Variants in OSBPL1A observed in about 807,000 individuals in gnomAD.
OSBPL1A encodes the protein oxysterol binding protein like 1A, also known as oxysterol-binding protein-related protein 1.
Under a neutral mutation model 137.1 loss-of-function variants are expected in OSBPL1A, and 80 were observed. That is an observed-to-expected ratio of 0.58 (90% CI 0.49 to 0.70). OSBPL1A has a LOEUF of 0.70. Ranked by LOEUF, OSBPL1A falls within the 30% of genes least tolerant of loss-of-function variation. OSBPL1A has a pLI of 0.00. For missense variants in OSBPL1A, 970 were observed against 1,129.4 expected, an observed-to-expected ratio of 0.86 and a Z score of 2.02; for synonymous variants, 365 against 389.7, an observed-to-expected ratio of 0.94 and a Z score of 0.75.
At chr18:24,258,553 A>G (rs899656015) in intron 15 of OSBPL1A, among the ~76,000 whole-genome samples, 8 of 152,212 alleles carry the variant, frequency 5.3e-5, no homozygotes, top group African/African-American at 9.7e-5. Flanking sequence ...AATGAATAAT[A>G]CCTGATATTT....
intron 2 of OSBPL1A, among the ~76,000 whole-genome samples, chr18:24,376,554 C>T (rs967866671): frequency 6.6e-6 from 1 of 152,258 alleles, no homozygotes; most frequent in African/African-American, 2.4e-5. Context: ...GGTGGAGCTG[C>T]CTGCCAGTCC....
intron 13 of OSBPL1A, among the ~76,000 whole-genome samples, chr18:24,310,858 TA>T (rs1443204485): frequency 2.6e-5 from 4 of 152,206 alleles, no homozygotes; most frequent in African/African-American, 9.6e-5. Flanking sequence ...AGCATCGTTT[TA>T]TTTTTTTACT....
chr18:24,280,252 T>C (rs907043474), intron 15 of OSBPL1A, among the ~76,000 whole-genome samples: 5 of 152,180 alleles, frequency 3.3e-5, no homozygotes, highest in Non-Finnish European at 7.3e-5. Context: ...GCCTAATTTT[T>C]GTATTTTTTG....
intron 7 of OSBPL1A, among the ~76,000 whole-genome samples, chr18:24,329,969 C>T (rs2091046871): frequency 6.6e-6 from 1 of 152,064 alleles, no homozygotes; most frequent in Non-Finnish European, 1.5e-5. Flanking sequence ...GATGGCAAAA[C>T]TATTTTCCTC....
At chr18:24,272,236 C>CT (rs576960248) in intron 15 of OSBPL1A, 21,689 of 628,346 alleles carry the variant, frequency 0.035, 1,428 homozygotes, top group African/African-American at 0.26. Flanking sequence ...GCCCTGGCAA[C>CT]TTTTTTTTTT....
chr18:24,374,804 CTGAGTT>C (rs767804730), intron 2 of OSBPL1A, among the ~76,000 whole-genome samples: 2 of 152,134 alleles, frequency 1.3e-5, no homozygotes, highest in African/African-American at 2.4e-5. Flanking sequence ...ACTGAGAGAC[CTGAGTT>C]TGACTTTCTA....
chr18:24,365,025 C>CAAAAAAAAA (rs56400717), intron 4 of OSBPL1A, among the ~76,000 whole-genome samples: 3 of 89,684 alleles, frequency 3.3e-5, no homozygotes, highest in Admixed American at 1.5e-4. Flanking sequence ...AAAACAACAA[C>CAAAAAAAAA]AAAAAAAAAA....
At chr18:24,328,908 A>C (rs1432216906) in intron 7 of OSBPL1A, among the ~76,000 whole-genome samples, 1 of 152,178 alleles carries the variant, frequency 6.6e-6, no homozygotes. Context: ...TAAAACACAT[A>C]ATTGCAATTG....
chr18:24,370,175 T>C, intron 2 of OSBPL1A, among the ~76,000 whole-genome samples: 1 of 152,232 alleles, frequency 6.6e-6, no homozygotes, highest in Non-Finnish European at 1.5e-5. Context: ...GATCTGTGAC[T>C]GCACCGCTGC....
At position 24,334,718 on chromosome 18, in the gene OSBPL1A, G is replaced by A. The variant is rs566018340; in HGVS notation, c.395-388C>T. 1.4e-4 allele frequency among the ~76,000 whole-genome samples: 22 copies of A among 152,180 alleles called. 1 individual carries two copies. Among genetic ancestry groups the A allele is most frequent in the South Asian group, 1.0e-3 (5 of 4,806 alleles). Reference sequence around the variant, plus strand: ...GCACTGATAGAAAGATGTACATGTCGTATAAATATATGCAGACATACCAAT... The same window carrying A: ...GCACTGATAGAAAGATGTACATGTCATATAAATATATGCAGACATACCAAT... On this transcript the variant is annotated intron_variant, in intron 5 of 27. Transcript: ENST00000319481.
chr18:24,187,679 CA>C (rs1456814441), intron 18 of OSBPL1A, among the ~76,000 whole-genome samples: 2 of 152,190 alleles, frequency 1.3e-5, no homozygotes, highest in Non-Finnish European at 2.9e-5. Flanking sequence ...ACAAGATCTC[CA>C]AGTCCTCCAA....
chr18:24,370,163 A>G lies in OSBPL1A; in HGVS notation c.122-1791T>C, dbSNP rs599577. ...CAGAGCCCAAGAGGTCAAGGCTTCA[A>G]TGATCTGTGACTGCACCGCTGCATT... On this transcript the variant is annotated intron_variant, in intron 2 of 27. Coordinates refer to ENST00000319481, the MANE Select transcript of OSBPL1A (RefSeq NM_080597.4). 1.6e-3 allele frequency among the ~76,000 whole-genome samples: 244 copies of G among 152,324 alleles called. 3 individuals are homozygous for G. The highest frequency in any genetic ancestry group is 3.9e-3 in the African/African-American group (163 of 41,562).
At chr18:24,338,101 G>A (rs2091208449) in intron 5 of OSBPL1A, among the ~76,000 whole-genome samples, 1 of 148,402 alleles carries the variant, frequency 6.7e-6, no homozygotes, top group Admixed American at 6.7e-5. Context: ...TTGAGACAGA[G>A]TCTCACTGTT....
At chr18:24,358,570 A>C (rs2091574161) in intron 4 of OSBPL1A, 1 of 700,596 alleles carries the variant, frequency 1.4e-6, no homozygotes, top group African/African-American at 1.7e-5. Flanking sequence ...ATGAAACGAT[A>C]CGTGTCAAGT....
intron 15 of OSBPL1A, among the ~76,000 whole-genome samples, chr18:24,265,393 T>C (rs1018915867): frequency 2.6e-5 from 4 of 152,128 alleles, no homozygotes; most frequent in African/African-American, 9.7e-5. Context: ...GACAGGAGAA[T>C]TGCTTGAACC....
At chr18:24,184,733 G>A (rs953849605) in intron 18 of OSBPL1A, among the ~76,000 whole-genome samples, 1 of 152,108 alleles carries the variant, frequency 6.6e-6, no homozygotes, top group Non-Finnish European at 1.5e-5. Context: ...TCACCTCACA[G>A]AGAGAGGGGA....
chr18:24,373,194 G>C (rs1905806505), intron 2 of OSBPL1A, among the ~76,000 whole-genome samples: 1 of 152,156 alleles, frequency 6.6e-6, no homozygotes, highest in South Asian at 2.1e-4. Flanking sequence ...AATAAGAAAT[G>C]TCAAGCTTTG....
At chr18:24,274,924 AAAG>A (rs1486416384) in intron 15 of OSBPL1A, among the ~76,000 whole-genome samples, 6 of 152,030 alleles carry the variant, frequency 3.9e-5, no homozygotes, top group Non-Finnish European at 7.4e-5. Context: ...TAAAAAAAAA[AAAG>A]AAGGTGACTG....
chr18:24,163,371 A>G, intron 27 of OSBPL1A, 90 bp from the exon 28 acceptor site: 1 of 898,842 alleles, frequency 1.1e-6, no homozygotes, highest in South Asian at 1.5e-5. Flanking sequence ...ATTCTATTGC[A>G]GCAACTCATT....
Sources: gnomAD v4.1 joint callset for allele counts (sites outside exome capture counted in the v4.1 genomes callset) on GRCh38, gnomAD v4.1.1 for gene constraint, MANE v1.5 for transcripts, NCBI Gene and HGNC (gene_info 2026-07-23, HGNC 2026-07-21) for gene names.